KIAA1549: variants seen among roughly 807,000 people sequenced by gnomAD.
KIAA1549 encodes KIAA1549.
KIAA1549 carries 70 observed loss-of-function variants against 156.4 expected under a neutral mutation model. The observed-to-expected ratio is 0.45, with a 90% CI of 0.37 to 0.55. The LOEUF is 0.55. KIAA1549 is among the 20% of genes least tolerant of loss of function. The probability of loss-of-function intolerance (pLI) is 0.00; values close to 1 mark genes in which losing one functional copy is unlikely to be tolerated. For synonymous variants in KIAA1549, 1,103 were observed against 1,066.4 expected (o/e 1.03, Z -0.67); for missense variants, 2,428 against 2,540.9 (o/e 0.96, Z 0.96).
At chr7:138,843,626 C>T (rs1293730061) in intron 18 of KIAA1549, among the ~76,000 whole-genome samples, 1 of 151,988 alleles carries the variant, frequency 6.6e-6, no homozygotes, top group Non-Finnish European at 1.5e-5. Context: ...TGTATAATTT[C>T]TATATTCGTT....
intron 1 of KIAA1549, among the ~76,000 whole-genome samples, chr7:138,937,119 T>C (rs1813038009): frequency 6.6e-6 from 1 of 152,110 alleles, no homozygotes; most frequent in East Asian, 1.9e-4. Context: ...CCTGTGCCAT[T>C]AGTATTACCC....
chr7:138,972,946 C>A (rs1814262428), intron 1 of KIAA1549, among the ~76,000 whole-genome samples: 1 of 152,084 alleles, frequency 6.6e-6, no homozygotes, highest in Admixed American at 6.6e-5. Context: ...CTCAGCCCCC[C>A]GAATAGCTAG....
chr7:138,939,642 T>G (rs1169763388), intron 1 of KIAA1549, among the ~76,000 whole-genome samples: 3 of 152,210 alleles, frequency 2.0e-5, no homozygotes, highest in Non-Finnish European at 4.4e-5. Flanking sequence ...CCTCTGTATT[T>G]CCACTGTATC....
chr7:138,953,887 T>C (rs1291284497), intron 1 of KIAA1549, among the ~76,000 whole-genome samples: 6 of 152,192 alleles, frequency 3.9e-5, no homozygotes. Context: ...TCGGGGTGAA[T>C]CTAGTTATTG....
At position 138,831,849 on chromosome 7, in the gene KIAA1549, G is replaced by C. The variant is rs1463929070; in HGVS notation, c.*6057C>G. 1.7e-5 allele frequency: 4 copies of C among 232,842 alleles called. No homozygotes were observed. Among genetic ancestry groups the C allele is most frequent in the Admixed American group, 1.1e-4 (2 of 17,776 alleles). 14.4% of individuals were successfully genotyped at this position (232,842 alleles called of 1,614,324 possible). On this transcript the variant is annotated 3_prime_UTR_variant, in exon 20 of 20. Coordinates refer to ENST00000422774, the MANE Select transcript of KIAA1549 (RefSeq NM_001164665.2). ...CTCCCTGCGTCCCAGAGATGCTCCG[G>C]AGGAGGGCAAAGTCGAGGGCGTTCC...
At chr7:138,869,257 C>T (rs1343433066) in intron 14 of KIAA1549, among the ~76,000 whole-genome samples, 4 of 152,198 alleles carry the variant, frequency 2.6e-5, no homozygotes, top group South Asian at 4.1e-4. Flanking sequence ...ACAGATTAAG[C>T]CCCAGGAAAT....
At chr7:138,929,143 A>C (rs1456940412) in intron 1 of KIAA1549, among the ~76,000 whole-genome samples, 2 of 152,340 alleles carry the variant, frequency 1.3e-5, no homozygotes, top group East Asian at 3.9e-4. Context: ...ACTTCTCTGT[A>C]GCCTGTGATG....
At chr7:138,880,028 T>C (rs1338344103) in intron 11 of KIAA1549, among the ~76,000 whole-genome samples, 1 of 152,188 alleles carries the variant, frequency 6.6e-6, no homozygotes, top group Non-Finnish European at 1.5e-5. Context: ...GGGTTCACGA[T>C]TAACTAGGTC....
At chr7:138,855,780 T>C (rs1182590383) in intron 16 of KIAA1549, among the ~76,000 whole-genome samples, 2 of 152,100 alleles carry the variant, frequency 1.3e-5, no homozygotes, top group African/African-American at 4.8e-5. Flanking sequence ...ATCTGTGTTG[T>C]CTCATTCTCC....
At chr7:138,937,295 T>C (rs1253184483) in intron 1 of KIAA1549, among the ~76,000 whole-genome samples, 2 of 152,152 alleles carry the variant, frequency 1.3e-5, no homozygotes, top group Non-Finnish European at 2.9e-5. Context: ...ATTTACTCAT[T>C]ACTCACCTGC....
chr7:138,840,407 G>A (rs1809879523), intron 18 of KIAA1549, 129 bp from the exon 19 acceptor site: 4 of 761,510 alleles, frequency 5.3e-6, no homozygotes, highest in Non-Finnish European at 8.2e-6. Context: ...TCAGGACTTG[G>A]TACCAGTTCT....
intron 5 of KIAA1549, among the ~76,000 whole-genome samples, chr7:138,907,996 A>C (rs1239484657): frequency 2.0e-5 from 3 of 152,292 alleles, no homozygotes; most frequent in Middle Eastern, 6.8e-3. Flanking sequence ...GCACCCAGAG[A>C]GAAGCCCACG....
intron 1 of KIAA1549, among the ~76,000 whole-genome samples, chr7:138,932,478 A>G (rs1812899926): frequency 6.6e-6 from 1 of 152,222 alleles, no homozygotes; most frequent in African/African-American, 2.4e-5. Context: ...TAGAAGCCGC[A>G]ATGCTGAGGA....
At chr7:138,901,482 T>C (rs1337376756) in intron 8 of KIAA1549, among the ~76,000 whole-genome samples, 2 of 151,878 alleles carry the variant, frequency 1.3e-5, no homozygotes, top group Non-Finnish European at 2.9e-5. Flanking sequence ...CACACCACCA[T>C]GCCCAGATAA....
At chr7:138,844,180 A>C (rs1810001595) in intron 18 of KIAA1549, 137 bp downstream of exon 18, 1 of 954,208 alleles carries the variant, frequency 1.0e-6, no homozygotes, top group Non-Finnish European at 1.6e-6. Context: ...CATCTCGGTC[A>C]GGATATGAGG....
chr7:138,833,549 C>T lies in KIAA1549; in HGVS notation c.*4357G>A. ...TGCCAGGAAAGATCTGGCCGGCAAACACCCACTGCTTAAAAGTCATCTGCC... is the reference window on the plus strand; with the variant it reads ...TGCCAGGAAAGATCTGGCCGGCAAATACCCACTGCTTAAAAGTCATCTGCC... On this transcript the variant is annotated 3_prime_UTR_variant, in exon 20 of 20. Coordinates refer to ENST00000422774, the MANE Select transcript of KIAA1549 (RefSeq NM_001164665.2). 4.3e-6 allele frequency: 1 copy of T among 232,716 alleles called. No homozygotes were observed. The highest frequency in any genetic ancestry group is 8.5e-6 in the Non-Finnish European group (1 of 117,698). The allele number at this position is 232,716 out of a possible 1,614,324, so 14.4% of individuals were successfully genotyped here.
chr7:138,917,737 G>T lies in KIAA1549; in HGVS notation c.1889C>A (p.Pro630His). Residue 630 changes from proline to histidine, a missense_variant, in exon 2 of 20, where the codon CCC becomes CAC. Physicochemically the swap from Pro to His is moderately conservative, Grantham distance 77 (BLOSUM62 -2). Around this residue, in one of 5 missense-constraint regions of KIAA1549, gnomAD observed 893 missense variants for 847.9 expected, o/e 1.05. Coordinates refer to ENST00000422774, the MANE Select transcript of KIAA1549 (RefSeq NM_001164665.2). ...GATGGAGCCGCTGAGTTCCAGCGGG[G>T]GTGTTGAGAAAAAGCTGGATGCAAA... ...LDFASSFFST[P>H]PLELSGSISS... 6.3e-7 allele frequency: 1 copy of T among 1,588,626 alleles called. No individual in the cohort carries two copies. The highest frequency in any genetic ancestry group is 1.3e-5 in the African/African-American group (1 of 74,294).
intron 12 of KIAA1549, among the ~76,000 whole-genome samples, chr7:138,871,730 A>C (rs771739110): frequency 2.4e-4 from 37 of 152,360 alleles, no homozygotes; most frequent in Middle Eastern, 3.4e-3. Flanking sequence ...GAACTCTCAG[A>C]AAACACATTT....
At position 138,975,592 on chromosome 7, in the gene KIAA1549, C is replaced by T. The variant is rs148007526; in HGVS notation, c.187+5491G>A. Among the ~76,000 whole-genome samples the T allele has an allele frequency of 2.9e-3, 441 of 152,276 alleles. 4 individuals are homozygous for T. Among genetic ancestry groups the T allele is most frequent in the African/African-American group, 9.9e-3 (412 of 41,548 alleles). On this transcript the variant is annotated intron_variant, in intron 1 of 19. Transcript: ENST00000422774. ...GAGGAGGAAACCCAGGACAAGGTAA[C>T]TTGTCCATAGTCACAAAGTTACAGG...
Sources: gnomAD v4.1 joint callset for allele counts (sites outside exome capture counted in the v4.1 genomes callset) on GRCh38, gnomAD v4.1.1 for gene constraint, gnomAD v4.1.1 regional missense constraint, MANE v1.5 for transcripts, NCBI Gene and HGNC (gene_info 2026-07-23, HGNC 2026-07-21) for gene names.